Variants in MAST4 observed in about 807,000 individuals in gnomAD.
The protein encoded by MAST4 is microtubule associated serine/threonine kinase family member 4.
In MAST4, 89 loss-of-function variants were observed where a neutral mutation model predicts 162.7. The ratio of observed to expected loss-of-function variants is 0.55; its 90% CI spans 0.46 to 0.65. MAST4 has a LOEUF of 0.65. Ranked by LOEUF, MAST4 falls within the 30% of genes least tolerant of loss-of-function variation. The probability of loss-of-function intolerance (pLI) is 0.00; values close to 1 mark genes in which losing one functional copy is unlikely to be tolerated. For missense variants in MAST4, 3,153 were observed against 3,374.0 expected, an observed-to-expected ratio of 0.93 and a Z score of 1.62; for synonymous variants, 1,479 against 1,361.1, an observed-to-expected ratio of 1.09 and a Z score of -1.91.
intron 5 of MAST4, among the ~76,000 whole-genome samples, chr5:67,074,071 G>A (rs2150683332): frequency 6.6e-6 from 1 of 151,782 alleles, no homozygotes; most frequent in African/African-American, 2.4e-5. Context: ...ATGGGCAGAA[G>A]ATCAATATTG....
At position 66,956,691 on chromosome 5, in the gene MAST4, C is replaced by A. The variant is rs867297224; in HGVS notation, c.674+56709C>A. ...ACATTTGATGTGTTGTAATACATTACCATTGTTGTTCCTATTGATGCTTGA... is the reference window on the plus strand; with the variant it reads ...ACATTTGATGTGTTGTAATACATTAACATTGTTGTTCCTATTGATGCTTGA... On this transcript the variant is annotated intron_variant, in intron 4 of 28. Coordinates refer to ENST00000403625, the MANE Select transcript of MAST4 (RefSeq NM_001164664.2). 1.3e-5 allele frequency among the ~76,000 whole-genome samples: 2 copies of A among 152,146 alleles called. 1 individual carries two copies. The highest frequency in any genetic ancestry group is 4.1e-4 in the South Asian group (2 of 4,828).
chr5:67,106,718 G>A (rs756927189), intron 10 of MAST4, among the ~76,000 whole-genome samples: 13 of 152,124 alleles, frequency 8.5e-5, no homozygotes, highest in Non-Finnish European at 1.9e-4. Flanking sequence ...AACATGGCCT[G>A]TTGCTGTGCC....
chr5:67,019,240 C>T (rs547587636), intron 4 of MAST4, among the ~76,000 whole-genome samples: 7 of 152,318 alleles, frequency 4.6e-5, no homozygotes, highest in South Asian at 2.1e-4. Flanking sequence ...CTAATTAATG[C>T]GCAGCTGCAC....
intron 5 of MAST4, among the ~76,000 whole-genome samples, chr5:67,070,238 C>T (rs76570902): frequency 0.011 from 1,669 of 152,186 alleles, 27 homozygotes; most frequent in African/African-American, 0.039. Context: ...GAGACATAGG[C>T]GGACTTTTAA....
intron 13 of MAST4, among the ~76,000 whole-genome samples, chr5:67,120,416 G>C (rs995023420): frequency 1.3e-5 from 2 of 152,238 alleles, no homozygotes; most frequent in Non-Finnish European, 1.5e-5. Context: ...GGGCATGAGA[G>C]AATTTTTTTA....
intron 4 of MAST4, among the ~76,000 whole-genome samples, chr5:67,023,181 T>C (rs1222769941): frequency 6.6e-6 from 1 of 152,196 alleles, no homozygotes; most frequent in Admixed American, 6.6e-5. Context: ...ATGATTAATC[T>C]AAGTTACATA....
At chr5:66,697,966 G>C (rs1199950851) in intron 1 of MAST4, among the ~76,000 whole-genome samples, 1 of 151,982 alleles carries the variant, frequency 6.6e-6, no homozygotes, top group Non-Finnish European at 1.5e-5. Context: ...GTCCTAACTC[G>C]ATTCCCAACA....
intron 3 of MAST4, among the ~76,000 whole-genome samples, chr5:66,880,756 C>A: frequency 6.6e-6 from 1 of 152,156 alleles, no homozygotes; most frequent in South Asian, 2.1e-4. Flanking sequence ...TTCCGTGATG[C>A]TTTGTATAAG....
At chr5:66,984,287 A>T (rs1158433732) in intron 4 of MAST4, among the ~76,000 whole-genome samples, 3 of 152,182 alleles carry the variant, frequency 2.0e-5, no homozygotes, top group African/African-American at 7.2e-5. Flanking sequence ...AAGCCTCCCA[A>T]GTAAAGAGGC....
chr5:67,159,364 T>C (rs187069976), intron 26 of MAST4, among the ~76,000 whole-genome samples: 6 of 152,260 alleles, frequency 3.9e-5, no homozygotes, highest in Admixed American at 3.3e-4. Context: ...TTTCCTATTA[T>C]CTTCTTACTG....
chr5:66,616,292 G>T (rs573516950), intron 1 of MAST4, among the ~76,000 whole-genome samples: 1 of 152,150 alleles, frequency 6.6e-6, no homozygotes, highest in African/African-American at 2.4e-5. Flanking sequence ...CTCCCAAGCA[G>T]CCCCTACCAA....
At chr5:66,648,418 C>T (rs1483901519) in intron 1 of MAST4, among the ~76,000 whole-genome samples, 3 of 152,090 alleles carry the variant, frequency 2.0e-5, no homozygotes, top group Non-Finnish European at 2.9e-5. Flanking sequence ...GCCTGTGTTA[C>T]GTCTCTTCCA....
intron 1 of MAST4, chr5:66,662,321 G>A (rs1476668411): frequency 6.6e-6 from 1 of 152,028 alleles, no homozygotes; most frequent in Non-Finnish European, 1.5e-5. Flanking sequence ...GAGACATACT[G>A]GTTAATTAAG....
chr5:66,602,211 A>G lies in MAST4; in HGVS notation c.363+5193A>G, dbSNP rs145754898. ...GAGGGTCTTGTGAATGCCCATTTCCAGAGTAAATTTCAGGGACAGATTTAC... is the reference window on the plus strand; with the variant it reads ...GAGGGTCTTGTGAATGCCCATTTCCGGAGTAAATTTCAGGGACAGATTTAC... On this transcript the variant is annotated intron_variant, in intron 1 of 28. Transcript: ENST00000403625. Among the ~76,000 whole-genome samples the G allele has an allele frequency of 4.4e-3, 663 of 152,284 alleles. 17 individuals are homozygous for G. The South Asian group carries it at 0.062, about 14-fold the overall frequency.
chr5:66,996,899 T>C (rs971383235), intron 4 of MAST4, among the ~76,000 whole-genome samples: 6 of 152,226 alleles, frequency 3.9e-5, no homozygotes, highest in Admixed American at 2.6e-4. Context: ...GTTCCAGAGA[T>C]TAGAACCTGG....
intron 3 of MAST4, among the ~76,000 whole-genome samples, chr5:66,820,968 T>C (rs1756966132): frequency 1.3e-5 from 2 of 152,326 alleles, no homozygotes; most frequent in South Asian, 2.1e-4. Flanking sequence ...TGTTACGTTG[T>C]AGAAATCACC....
intron 5 of MAST4, among the ~76,000 whole-genome samples, chr5:67,071,484 G>C (rs1581435614): frequency 6.6e-6 from 1 of 152,236 alleles, no homozygotes; most frequent in South Asian, 2.1e-4. Context: ...TGGGCGTGGT[G>C]GCTCACGCCT....
intron 3 of MAST4, among the ~76,000 whole-genome samples, chr5:66,794,591 T>C (rs1461994030): frequency 6.6e-6 from 1 of 152,232 alleles, no homozygotes; most frequent in Non-Finnish European, 1.5e-5. Context: ...TTAACCTTTT[T>C]GTCCTTACTT....
At chr5:66,986,523 A>G (rs377295387) in intron 4 of MAST4, 5 of 1,517,556 alleles carry the variant, frequency 3.3e-6, no homozygotes, top group African/African-American at 1.4e-5. Context: ...TCCAAAGCTC[A>G]TATTGTTTCC....
Sources: allele counts gnomAD v4.1 joint callset (sites outside exome capture counted in the v4.1 genomes callset), GRCh38; gene constraint gnomAD v4.1.1; transcripts MANE v1.5; gene names NCBI Gene and HGNC (gene_info 2026-07-23, HGNC 2026-07-21).